The following TTC7B variants were observed in gnomAD, a reference collection of about 807,000 sequenced individuals.
The protein encoded by TTC7B is tetratricopeptide repeat domain 7B, also known as tetratricopeptide repeat protein 7B.
TTC7B carries 28 observed loss-of-function variants against 106.8 expected under a neutral mutation model. That is an observed-to-expected ratio of 0.26 (90% CI 0.19 to 0.36). TTC7B has a LOEUF of 0.36. Ranked by LOEUF, TTC7B falls within the 10% of genes least tolerant of loss-of-function variation. The pLI is 1.00. For synonymous variants in TTC7B, 405 were observed against 430.6 expected (o/e 0.94, Z 0.74); for missense variants, 862 against 1,076.4 (o/e 0.80, Z 2.79).
chr14:90,592,114 T>C (rs1312616815), intron 18 of TTC7B, among the ~76,000 whole-genome samples: 3 of 152,184 alleles, frequency 2.0e-5, no homozygotes, highest in Admixed American at 6.5e-5. Context: ...AATCCAAACA[T>C]GTTTTCAATG....
intron 19 of TTC7B, among the ~76,000 whole-genome samples, chr14:90,548,288 A>G (rs1889922564): frequency 6.6e-6 from 1 of 152,208 alleles, no homozygotes; most frequent in African/African-American, 2.4e-5. Flanking sequence ...CAGGGATGGT[A>G]CTGGAGCACT....
At chr14:90,582,215 C>T (rs548631902) in intron 18 of TTC7B, among the ~76,000 whole-genome samples, 2 of 152,332 alleles carry the variant, frequency 1.3e-5, no homozygotes, top group South Asian at 2.1e-4. Context: ...CTTGTTTGCC[C>T]CCCTCTCTCT....
chr14:90,744,229 G>GT (rs1202328254), intron 4 of TTC7B, among the ~76,000 whole-genome samples: 1 of 152,142 alleles, frequency 6.6e-6, no homozygotes, highest in East Asian at 1.9e-4. Context: ...GGTGCTGAAG[G>GT]TATGAACAGA....
At chr14:90,654,956 T>C in intron 12 of TTC7B, 37 bp downstream of exon 12, 1 of 1,484,998 alleles carries the variant, frequency 6.7e-7, no homozygotes, top group Non-Finnish European at 9.4e-7. Context: ...AGTCCAGCCC[T>C]GCAGCTCAGC....
rs940834059 is a variant in TTC7B, at chr14:90,535,233, G to A, written c.*6135C>T. 3.9e-5 allele frequency: 6 copies of A among 152,404 alleles called. No individual in the cohort carries two copies. Among genetic ancestry groups the A allele is most frequent in the East Asian group, 3.9e-4 (2 of 5,178 alleles). The allele number at this position is 152,404 out of a possible 1,614,324, so 9.4% of individuals were successfully genotyped here. A position where few individuals can be genotyped will look rare whatever the true frequency, so the allele number is the denominator to read the frequency against. ...CTGGGGATGGGAAGTGGCCTGCCCC[G>A]GCCACACCTGCCCAGGCCCCCAGCC... is the stretch of plus-strand genomic sequence containing the variant. On this transcript the variant is annotated 3_prime_UTR_variant, in exon 20 of 20. Coordinates refer to ENST00000328459, the MANE Select transcript of TTC7B (RefSeq NM_001010854.2).
In TTC7B at chr14:90,805,354, C is replaced by G. The variant is rs1435741753; in HGVS notation, c.121+10821G>C. 6.6e-6 allele frequency among the ~76,000 whole-genome samples: 1 copy of G among 152,242 alleles called. No homozygotes were observed. Among genetic ancestry groups the G allele is most frequent in the African/African-American group, 2.4e-5 (1 of 41,466 alleles). On this transcript the variant is annotated intron_variant, in intron 1 of 19. Transcript: ENST00000328459. This position sits in a 1 kb window ranked among gnomAD's most constrained non-coding sequence, Gnocchi z 4.0. The stretch of plus-strand genomic sequence containing the variant: ...CACTGCAACCTCTACCTCCCGGGTT[C>G]AGGCAATTCTCCTGTTCTCCTGCCT...
chr14:90,656,409 T>C (rs919327340), intron 11 of TTC7B, among the ~76,000 whole-genome samples: 3 of 152,222 alleles, frequency 2.0e-5, no homozygotes, highest in Admixed American at 2.0e-4. Context: ...TTCTATTTTC[T>C]ACTCAAATGA....
chr14:90,579,380 T>C (rs929358290), intron 18 of TTC7B, among the ~76,000 whole-genome samples: 1 of 152,280 alleles, frequency 6.6e-6, no homozygotes, highest in African/African-American at 2.4e-5. Flanking sequence ...TGGCGTATCC[T>C]GCAGTAAAAG....
intron 19 of TTC7B, among the ~76,000 whole-genome samples, chr14:90,563,489 C>A (rs185648009): frequency 6.6e-6 from 1 of 152,202 alleles, no homozygotes; most frequent in Non-Finnish European, 1.5e-5. Flanking sequence ...GCAAGTGATA[C>A]GCTTTTTGCT....
intron 5 of TTC7B, among the ~76,000 whole-genome samples, chr14:90,712,690 T>C (rs1888494726): frequency 5.3e-5 from 8 of 152,138 alleles, no homozygotes; most frequent in Admixed American, 5.2e-4. Flanking sequence ...TCTGCCCAAA[T>C]TGATCTAAAG....
intron 1 of TTC7B, among the ~76,000 whole-genome samples, chr14:90,804,491 G>A (rs72695573): frequency 0.041 from 6,264 of 152,294 alleles, 169 homozygotes; most frequent in Non-Finnish European, 0.058. Context: ...GGCCGGGCCT[G>A]AGGGACTTCT....
intron 3 of TTC7B, among the ~76,000 whole-genome samples, chr14:90,776,228 T>G (rs1005975762): frequency 1.3e-5 from 2 of 150,428 alleles, no homozygotes; most frequent in Admixed American, 6.7e-5. Context: ...TGTTAACTGT[T>G]TCTCTAAAAT....
chr14:90,815,667 AC>A (rs1211822976), intron 1 of TTC7B, among the ~76,000 whole-genome samples: 1 of 151,768 alleles, frequency 6.6e-6, no homozygotes, highest in East Asian at 1.9e-4. Context: ...TCCACCCAGA[AC>A]CCCTTAAACA....
chr14:90,744,985 T>C, intron 3 of TTC7B, 63 bp from the exon 4 acceptor site: 1 of 1,559,082 alleles, frequency 6.4e-7, no homozygotes, highest in Non-Finnish European at 8.8e-7. Flanking sequence ...CATTTTTAAA[T>C]ATTGCTCTAG....
chr14:90,624,988 G>A lies in TTC7B; in HGVS notation c.1752-6943C>T, dbSNP rs56271568. On this transcript the variant is annotated intron_variant, in intron 15 of 19. Transcript: ENST00000328459. This position sits in a 1 kb window ranked among gnomAD's most constrained non-coding sequence, Gnocchi z 4.0. Reference sequence around the variant, plus strand: ...CCCAAGCGGGGCAGCGGCTGAGGGGGCCCTGGATACCTTCCCCATCTCTTG... The same window carrying A: ...CCCAAGCGGGGCAGCGGCTGAGGGGACCCTGGATACCTTCCCCATCTCTTG... 0.028 allele frequency among the ~76,000 whole-genome samples: 4,296 copies of A among 152,300 alleles called. 208 individuals carry two copies. Among genetic ancestry groups the A allele is most frequent in the African/African-American group, 0.099 (4,103 of 41,544 alleles).
chr14:90,700,673 A>G (rs1454570406), intron 5 of TTC7B, among the ~76,000 whole-genome samples: 2 of 144,854 alleles, frequency 1.4e-5, no homozygotes, highest in Admixed American at 6.9e-5. Context: ...TCATATACGT[A>G]TACCCTTATG....
chr14:90,747,991 T>G (rs1408553834), intron 3 of TTC7B, among the ~76,000 whole-genome samples: 1 of 152,210 alleles, frequency 6.6e-6, no homozygotes, highest in Non-Finnish European at 1.5e-5. Flanking sequence ...TTACTTTTAA[T>G]CTATACTTTT....
intron 19 of TTC7B, among the ~76,000 whole-genome samples, chr14:90,544,733 A>G (rs148993612): frequency 6.6e-5 from 10 of 152,188 alleles, no homozygotes; most frequent in South Asian, 2.1e-4. Flanking sequence ...AGCGGCCCTG[A>G]GCAGCAGCCT....
chr14:90,769,594 C>A (rs1282809655), intron 3 of TTC7B, among the ~76,000 whole-genome samples: 3 of 152,240 alleles, frequency 2.0e-5, no homozygotes, highest in Admixed American at 2.0e-4. Flanking sequence ...AGTAAGACTT[C>A]ATCTCTACAA....
Sources: gnomAD v4.1 joint callset for allele counts (sites outside exome capture counted in the v4.1 genomes callset) on GRCh38, gnomAD v4.1.1 for gene constraint, Gnocchi (gnomAD v3.1) non-coding constraint, MANE v1.5 for transcripts, NCBI Gene and HGNC (gene_info 2026-07-23, HGNC 2026-07-21) for gene names.